The following SUSD5 variants were observed in gnomAD, a reference collection of about 807,000 sequenced individuals.
The protein encoded by SUSD5 is sushi domain containing 5.
Under a neutral mutation model 29.5 loss-of-function variants are expected in SUSD5, and 33 were observed. That is an observed-to-expected ratio of 1.12 (90% CI 0.85 to 1.49). The LOEUF (loss-of-function observed/expected upper bound fraction) is 1.49, where lower values mean the gene tolerates loss of function less well. Among genes scored for constraint, SUSD5 ranks in the 40% most tolerant of loss-of-function variants. The pLI is 0.00. For synonymous variants in SUSD5, 308 were observed against 325.3 expected (o/e 0.95, Z 0.57); for missense variants, 776 against 800.6 (o/e 0.97, Z 0.37).
intron 4 of SUSD5, among the ~76,000 whole-genome samples, chr3:33,172,884 T>A (rs2031466517): frequency 6.6e-6 from 1 of 152,158 alleles, no homozygotes; most frequent in African/African-American, 2.4e-5. Flanking sequence ...AGCTAATGAC[T>A]ACAAAAAATG....
At chr3:33,163,768 C>T (rs1424984123) in intron 4 of SUSD5, among the ~76,000 whole-genome samples, 6 of 152,108 alleles carry the variant, frequency 3.9e-5, no homozygotes, top group African/African-American at 1.2e-4. Flanking sequence ...GAGGCTGAGG[C>T]GGGCGGATCA....
chr3:33,208,747 T>G (rs1437250575), intron 2 of SUSD5, among the ~76,000 whole-genome samples: 1 of 152,174 alleles, frequency 6.6e-6, no homozygotes, highest in Non-Finnish European at 1.5e-5. Context: ...TGAAATGTAT[T>G]ATTACTTTTA....
rs2031340340 is a variant in SUSD5 at position 33,167,954 on chromosome 3, A to G, written c.598+6932T>C. On this transcript the variant is annotated intron_variant, in intron 4 of 4. Transcript: ENST00000309558. The surrounding 1 kb of genome is among the most constrained non-coding windows in gnomAD (Gnocchi z 4.1). ...ACATGGGGCCTTCTGATTTAGACAA[A>G]CAAGTCTAGGAAATGTAAGCTTTGT... Among the ~76,000 whole-genome samples the G allele has an allele frequency of 6.6e-6, 1 of 152,218 alleles. No homozygotes were observed.
At chr3:33,163,864 G>A (rs1391429978) in intron 4 of SUSD5, among the ~76,000 whole-genome samples, 1 of 152,200 alleles carries the variant, frequency 6.6e-6, no homozygotes, top group East Asian at 1.9e-4. Flanking sequence ...GCCGGGCATG[G>A]TGGCAGGCAC....
rs936083354 is a variant in SUSD5 at position 33,150,756 on chromosome 3, G to T, written c.*1986C>A. On this transcript the variant is annotated 3_prime_UTR_variant, in exon 5 of 5. Coordinates refer to ENST00000309558, the MANE Select transcript of SUSD5 (RefSeq NM_015551.2). ...TTCCAAAGCTTGCTGAAAAGAGGTGGCAGGGTAGAAAACATGTTGCGAATG... is the reference window on the plus strand; with the variant it reads ...TTCCAAAGCTTGCTGAAAAGAGGTGTCAGGGTAGAAAACATGTTGCGAATG... The T allele has an allele frequency of 1.5e-4, 23 of 152,266 alleles. No homozygotes were observed. Among genetic ancestry groups the T allele is most frequent in the African/African-American group, 5.3e-4 (22 of 41,538 alleles). 9.4% of individuals were successfully genotyped at this position (152,266 alleles called of 1,614,324 possible).
chr3:33,182,851 A>G (rs1302945580), intron 3 of SUSD5, among the ~76,000 whole-genome samples: 1 of 151,412 alleles, frequency 6.6e-6, no homozygotes, highest in Non-Finnish European at 1.5e-5. Flanking sequence ...CAGTGGTGTG[A>G]TCTCGGCTCA....
At chr3:33,170,010 C>T (rs938208851) in intron 4 of SUSD5, among the ~76,000 whole-genome samples, 14 of 151,994 alleles carry the variant, frequency 9.2e-5, no homozygotes, top group Non-Finnish European at 2.1e-4. Flanking sequence ...CTCCGCCTCC[C>T]GGGTTCAAGC....
At chr3:33,217,128 T>TA (rs1438190000) in intron 1 of SUSD5, among the ~76,000 whole-genome samples, 1 of 152,184 alleles carries the variant, frequency 6.6e-6, no homozygotes, top group African/African-American at 2.4e-5. Context: ...GCATTCCACT[T>TA]AAACAGTTAT....
rs560230745 is a variant in SUSD5, at chr3:33,169,377, C to T, written c.598+5509G>A. On this transcript the variant is annotated intron_variant, in intron 4 of 4. Transcript: ENST00000309558. ...CTGGGATTACAGGCGCCCGCCACCA[C>T]GCCCGGCTAAGTTTTGTATATTTAG... Among the ~76,000 whole-genome samples, 833 of 152,214 alleles carry T rather than the reference C, an allele frequency of 5.5e-3. 8 individuals are homozygous for T. The highest frequency in any genetic ancestry group is 0.019 in the African/African-American group (797 of 41,520).
At chr3:33,206,198 A>T (rs1417288245) in intron 3 of SUSD5, among the ~76,000 whole-genome samples, 1 of 152,040 alleles carries the variant, frequency 6.6e-6, no homozygotes, top group Non-Finnish European at 1.5e-5. Flanking sequence ...ATATGGTGAA[A>T]CCACGTCTCT....
At chr3:33,154,380 AGGCATGGT>A (rs2031001727) in intron 4 of SUSD5, among the ~76,000 whole-genome samples, 1 of 152,112 alleles carries the variant, frequency 6.6e-6, no homozygotes, top group African/African-American at 2.4e-5. Context: ...AAAAATAGCC[AGGCATGGT>A]GGCATATGCC....
intron 3 of SUSD5, among the ~76,000 whole-genome samples, chr3:33,196,056 G>C (rs1306356240): frequency 6.6e-6 from 1 of 152,108 alleles, no homozygotes; most frequent in African/African-American, 2.4e-5. Flanking sequence ...ACAAGGTCCT[G>C]AATAAAAACC....
At chr3:33,215,885 C>G (rs1203285205) in intron 1 of SUSD5, among the ~76,000 whole-genome samples, 1 of 151,894 alleles carries the variant, frequency 6.6e-6, no homozygotes, top group East Asian at 1.9e-4. Context: ...TTATTAATAC[C>G]AAAAAAGTAT....
intron 3 of SUSD5, among the ~76,000 whole-genome samples, chr3:33,192,121 T>G (rs2031905455): frequency 6.6e-6 from 1 of 151,756 alleles, no homozygotes. Flanking sequence ...TCGCCTGGAC[T>G]AGAGTACAGT....
intron 3 of SUSD5, among the ~76,000 whole-genome samples, chr3:33,180,592 T>TTC (rs2031647707): frequency 6.6e-6 from 1 of 152,244 alleles, no homozygotes; most frequent in East Asian, 1.9e-4. Context: ...TTTGGAAGGC[T>TTC]GAAGCAGATG....
chr3:33,174,669 CA>C (rs1312444102), intron 4 of SUSD5, among the ~76,000 whole-genome samples: 1 of 152,228 alleles, frequency 6.6e-6, no homozygotes, highest in African/African-American at 2.4e-5. Context: ...CCTTTACTCC[CA>C]GCATGGAAGA....
chr3:33,153,929 T>C lies in SUSD5; in HGVS notation c.703A>G (p.Arg235Gly). ...TCCTCAGAGGAGTCTCCCTGACCCC[T>C]GTCCTCATCTGCCTCTGTCCGGGAA... is the stretch of plus-strand genomic sequence containing the variant. ...EDSRTEADEDRGQGDSSEEAP... is the reference protein window; with the variant it reads ...EDSRTEADEDGGQGDSSEEAP... Residue 235 changes from arginine to glycine, a missense_variant, in exon 5 of 5, where the codon AGG becomes GGG. Arg to Gly is a moderately radical substitution (Grantham distance 125, BLOSUM62 -2). Transcript: ENST00000309558. The C allele has an allele frequency of 1.9e-6, 3 of 1,614,002 alleles. No homozygotes were observed. Among genetic ancestry groups the C allele is most frequent in the Non-Finnish European group, 2.5e-6 (3 of 1,179,874 alleles).
intron 3 of SUSD5, among the ~76,000 whole-genome samples, chr3:33,181,538 AT>A (rs527599575): frequency 1.2e-3 from 182 of 151,104 alleles, no homozygotes; most frequent in Non-Finnish European, 2.1e-3. Flanking sequence ...CTGCCTAGAT[AT>A]TTTTTTCCCC....
intron 4 of SUSD5, among the ~76,000 whole-genome samples, chr3:33,171,360 T>C (rs2031423752): frequency 6.7e-6 from 1 of 149,568 alleles, no homozygotes; most frequent in South Asian, 2.1e-4. Flanking sequence ...AAAAAAAGGG[T>C]ATTATGGGCA....
Sources: allele counts gnomAD v4.1 joint callset (sites outside exome capture counted in the v4.1 genomes callset), GRCh38; gene constraint gnomAD v4.1.1; non-coding constraint Gnocchi (gnomAD v3.1); transcripts MANE v1.5; gene names NCBI Gene and HGNC (gene_info 2026-07-23, HGNC 2026-07-21).